OLFML2B: variants seen among roughly 807,000 people sequenced by gnomAD.
OLFML2B encodes olfactomedin like 2B.
OLFML2B carries 57 observed loss-of-function variants against 74.9 expected under a neutral mutation model. The ratio of observed to expected loss-of-function variants is 0.76; its 90% CI spans 0.61 to 0.95. The LOEUF (loss-of-function observed/expected upper bound fraction) is 0.95. Among genes scored for constraint, OLFML2B ranks in the 40% least tolerant of loss-of-function variants. The pLI, the probability that OLFML2B is intolerant of heterozygous loss-of-function variation, is 0.00. For synonymous variants in OLFML2B, 388 were observed against 405.8 expected, an observed-to-expected ratio of 0.96 and a Z score of 0.53; for missense variants, 986 against 970.6, an observed-to-expected ratio of 1.02 and a Z score of -0.21.
At chr1:162,009,900 G>A (rs542202301) in intron 3 of OLFML2B, among the ~76,000 whole-genome samples, 1 of 152,260 alleles carries the variant, frequency 6.6e-6, no homozygotes, top group Non-Finnish European at 1.5e-5. Flanking sequence ...ACCTGCACAG[G>A]GTACCCTCGA....
chr1:161,984,555 G>A (rs1284212478), intron 7 of OLFML2B, among the ~76,000 whole-genome samples: 2 of 152,200 alleles, frequency 1.3e-5, no homozygotes, highest in Non-Finnish European at 2.9e-5. Context: ...CTATGGGAAA[G>A]GGAGCCTGTC....
chr1:161,995,033 A>G (rs1462436962), intron 6 of OLFML2B, among the ~76,000 whole-genome samples: 1 of 152,196 alleles, frequency 6.6e-6, no homozygotes, highest in Non-Finnish European at 1.5e-5. Flanking sequence ...TTTACTGATG[A>G]CTGGGAGATG....
chr1:161,998,114 G>A lies in OLFML2B; in HGVS notation c.1185C>T (p.Leu395=), dbSNP rs1447274263. ...GATCTGGAGACACCGAGGTTGTTTG[G>A]AGTGTTGGTCCCACTGAGGCATGGT... ...IANHASVGPT[L]QTTSVSPDPT... The change falls in exon 6 of 8, where the codon CTC becomes CTT. Residue 395 remains leucine, a synonymous_variant. Transcript: ENST00000294794. The A allele has an allele frequency of 6.2e-7, 1 of 1,613,996 alleles. No individual in the cohort carries two copies. Among genetic ancestry groups the A allele is most frequent in the East Asian group, 2.2e-5 (1 of 44,888 alleles).
chr1:162,001,290 C>T (rs1320986685), intron 4 of OLFML2B, among the ~76,000 whole-genome samples: 1 of 152,152 alleles, frequency 6.6e-6, no homozygotes, highest in Non-Finnish European at 1.5e-5. Context: ...CTAATGAAGA[C>T]CTGGTTTTAC....
chr1:161,987,873 A>G (rs1465461659), intron 6 of OLFML2B, among the ~76,000 whole-genome samples: 2 of 152,214 alleles, frequency 1.3e-5, no homozygotes, highest in East Asian at 1.9e-4. Flanking sequence ...GGATGAGCCC[A>G]GGCAGGACAA....
Position 162,000,228 on chromosome 1 carries a change from G to A in OLFML2B, c.834C>T (p.Pro278=). Reference sequence around the variant, plus strand: ...CTCTCAGGTGGACCTGCCTCTGCAGGGGCCGCTGTGACTTCACCACCTCAG... The same window carrying A: ...CTCTCAGGTGGACCTGCCTCTGCAGAGGCCGCTGTGACTTCACCACCTCAG... ...ALPEVVKSQR[P]LQRQVHLRGR... Residue 278 remains proline, a synonymous_variant, in exon 5 of 8, where the codon CCC becomes CCT. Coordinates refer to ENST00000294794, the MANE Select transcript of OLFML2B (RefSeq NM_015441.3). 2 of 1,613,900 alleles carry A rather than the reference G, an allele frequency of 1.2e-6. No homozygotes were observed. Among genetic ancestry groups the A allele is most frequent in the Non-Finnish European group, 8.5e-7 (1 of 1,180,030 alleles).
At chr1:161,995,101 T>C (rs1232601533) in intron 6 of OLFML2B, among the ~76,000 whole-genome samples, 1 of 152,198 alleles carries the variant, frequency 6.6e-6, no homozygotes, top group African/African-American at 2.4e-5. Flanking sequence ...CTGCAGAGAA[T>C]GTTAGGGTAT....
intron 5 of OLFML2B, among the ~76,000 whole-genome samples, chr1:161,999,004 C>T (rs1690008035): frequency 6.6e-6 from 1 of 152,188 alleles, no homozygotes; most frequent in Admixed American, 6.5e-5. Context: ...GACATGCGTG[C>T]AGCGGCCCAG....
intron 3 of OLFML2B, among the ~76,000 whole-genome samples, chr1:162,016,793 A>G (rs1000858514): frequency 6.6e-6 from 1 of 152,220 alleles, no homozygotes; most frequent in African/African-American, 2.4e-5. Flanking sequence ...CCACTAGATG[A>G]AAACCACAGC....
chr1:162,014,110 C>T (rs1191964522), intron 3 of OLFML2B, among the ~76,000 whole-genome samples: 1 of 152,088 alleles, frequency 6.6e-6, no homozygotes, highest in Non-Finnish European at 1.5e-5. Context: ...CATATGGGGG[C>T]CTTTTGGGGT....
In OLFML2B at chr1:161,984,908, G is replaced by A. The variant is rs746963862; in HGVS notation, c.1547C>T (p.Ala516Val). 1.9e-6 allele frequency: 3 copies of A among 1,611,758 alleles called. No individual in the cohort carries two copies. The Admixed American group carries it at 5.0e-5, about 27-fold the overall frequency. ...TQNTYGRNEGAWMKDPLAKDE... is the reference protein window; with the variant it reads ...TQNTYGRNEGVWMKDPLAKDE... ...CTTGGCCAGGGGGTCCTTCATCCAG[G>A]CCCCTTCATTCCGCCCATATGTGTT... is the stretch of plus-strand genomic sequence containing the variant. The change falls in exon 7 of 8, where the codon GCC becomes GTC. Residue 516 changes from alanine (A) to valine (V), a missense_variant. By Grantham distance (64) the Ala-to-Val change is moderately conservative. Coordinates refer to ENST00000294794, the MANE Select transcript of OLFML2B (RefSeq NM_015441.3).
intron 3 of OLFML2B, among the ~76,000 whole-genome samples, chr1:162,008,822 G>C (rs140688885): frequency 2.8e-4 from 42 of 152,296 alleles, no homozygotes; most frequent in African/African-American, 9.1e-4. Context: ...CTTGAAAAAC[G>C]GACAGAAATG....
At chr1:161,991,826 A>C (rs929731368) in intron 6 of OLFML2B, among the ~76,000 whole-genome samples, 1 of 152,248 alleles carries the variant, frequency 6.6e-6, no homozygotes, top group Non-Finnish European at 1.5e-5. Flanking sequence ...GCTATTATCC[A>C]AGCTTTGTTG....
At chr1:162,006,178 A>G in intron 4 of OLFML2B, 119 bp downstream of exon 4, 1 of 918,618 alleles carries the variant, frequency 1.1e-6, no homozygotes, top group Non-Finnish European at 1.6e-6. Context: ...AATTGTATGG[A>G]TGAAGCGAGC....
At position 161,983,846 on chromosome 1, in the gene OLFML2B, G is replaced by C. The variant is rs766732147; in HGVS notation, c.2082C>G (p.Ala694=). 1 of 1,614,130 alleles carries C rather than the reference G, an allele frequency of 6.2e-7. No homozygotes were observed. The highest frequency in any genetic ancestry group is 8.5e-7 in the Non-Finnish European group (1 of 1,180,014). Residue 694 remains alanine, a synonymous_variant, in exon 8 of 8, where the codon GCC becomes GCG. Transcript: ENST00000294794. ...GGGTGTCGAAAGCGTAGGAGATGTT[G>C]GCATTCCGCTGGTTGTAGCTATCCA... The part of the protein sequence containing the change: ...YAVDSYNQRN[A]NISYAFDTHT...
At chr1:161,985,173 T>G in intron 6 of OLFML2B, 193 bp from the exon 7 acceptor site, 1 of 501,858 alleles carries the variant, frequency 2.0e-6, no homozygotes, top group Non-Finnish European at 3.5e-6. Context: ...ACCCTACACT[T>G]GAGCCTCCAC....
At chr1:162,005,554 T>G (rs1462510304) in intron 4 of OLFML2B, among the ~76,000 whole-genome samples, 1 of 152,152 alleles carries the variant, frequency 6.6e-6, no homozygotes, top group Non-Finnish European at 1.5e-5. Context: ...TATAATTTGT[T>G]TCCAAACTGG....
chr1:161,999,527 G>A (rs1017975800), intron 5 of OLFML2B, among the ~76,000 whole-genome samples: 4 of 152,164 alleles, frequency 2.6e-5, no homozygotes, highest in Admixed American at 2.0e-4. Flanking sequence ...GACATACTGG[G>A]GAGAGGGGAA....
chr1:162,020,067 G>A lies in OLFML2B; in HGVS notation c.290C>T (p.Ser97Phe). The change falls in exon 2 of 8, where the codon TCC becomes TTC. Residue 97 changes from serine (S) to phenylalanine (F), a missense_variant. Coordinates refer to ENST00000294794, the MANE Select transcript of OLFML2B (RefSeq NM_015441.3). The part of the protein sequence containing the change: ...DACQRINAGA[S>F]RKEDFYTVET... ...CACGGTATAGAAGTCTTCCTTCCTGGAGGCCCCCGCATTGATCCTCTGGCA... is the reference window on the plus strand; with the variant it reads ...CACGGTATAGAAGTCTTCCTTCCTGAAGGCCCCCGCATTGATCCTCTGGCA... 1 of 1,614,084 alleles carries A rather than the reference G, an allele frequency of 6.2e-7. No individual in the cohort carries two copies. The highest frequency in any genetic ancestry group is 2.2e-5 in the East Asian group (1 of 44,874).
Sources: allele counts gnomAD v4.1 joint callset (sites outside exome capture counted in the v4.1 genomes callset), GRCh38; gene constraint gnomAD v4.1.1; transcripts MANE v1.5; gene names NCBI Gene and HGNC (gene_info 2026-07-23, HGNC 2026-07-21).